KRT72: variants seen among roughly 807,000 people sequenced by gnomAD.
KRT72 encodes keratin, type II cytoskeletal 72.
KRT72 carries 44 observed loss-of-function variants against 44.7 expected under a neutral mutation model. The ratio of observed to expected loss-of-function variants is 0.98; its 90% CI spans 0.77 to 1.27. The LOEUF (loss-of-function observed/expected upper bound fraction) is 1.27. Ranked by LOEUF, KRT72 falls within the 50% of genes most tolerant of loss-of-function variation. The pLI, the probability that KRT72 is intolerant of heterozygous loss-of-function variation, is 0.00. For missense variants in KRT72, 736 were observed against 667.1 expected (o/e 1.10, Z -1.14); for synonymous variants, 302 against 280.4 (o/e 1.08, Z -0.77).
intron 2 of KRT72, among the ~76,000 whole-genome samples, chr12:52,598,341 T>C (rs1246518597): frequency 6.6e-6 from 1 of 152,210 alleles, no homozygotes; most frequent in Non-Finnish European, 1.5e-5. Context: ...AATCCTGGCA[T>C]CTGGAAGCAA....
intron 7 of KRT72, 83 bp from the exon 8 acceptor site, chr12:52,587,063 C>T (rs924195824): frequency 6.0e-6 from 8 of 1,323,796 alleles, no homozygotes; most frequent in South Asian, 1.2e-5. Context: ...GAATAAGCCT[C>T]TCCACGCAGA....
intron 2 of KRT72, among the ~76,000 whole-genome samples, chr12:52,595,637 C>T (rs1439033802): frequency 2.0e-5 from 3 of 152,098 alleles, no homozygotes; most frequent in Non-Finnish European, 2.9e-5. Context: ...CAAAAATGTG[C>T]CAGTGTGTGT....
intron 2 of KRT72, among the ~76,000 whole-genome samples, chr12:52,595,482 G>A (rs1189634346): frequency 6.6e-6 from 1 of 152,016 alleles, no homozygotes; most frequent in East Asian, 1.9e-4. Flanking sequence ...ACTTTTACTT[G>A]AATTTAGAAA....
rs1365732342 is a variant in KRT72 at position 52,587,815 on chromosome 12, G to C, written c.1126C>G (p.Gln376Glu). 1.2e-6 allele frequency: 2 copies of C among 1,614,056 alleles called. No homozygotes were observed. The highest frequency in any genetic ancestry group is 1.3e-5 in the African/African-American group (1 of 74,938). The change falls in exon 7 of 9, where the codon CAG becomes GAG. Residue 376 changes from glutamine (Q) to glutamate (E), a missense_variant. Transcript: ENST00000293745. ...DLETAIADAEQRGDCALKDAR... is the reference protein window; with the variant it reads ...DLETAIADAEERGDCALKDAR... The stretch of plus-strand genomic sequence containing the variant: ...TCTTTCAGGGCGCAGTCCCCCCGCT[G>C]TTCAGCGTCGGCGATGGCCGTCTCC...
In KRT72 at chr12:52,601,416, G is replaced by T; in HGVS notation, c.37C>A (p.Arg13Ser). The change falls in exon 1 of 9, where the codon CGC becomes AGC. Residue 13 changes from arginine (R) to serine (S), a missense_variant. By Grantham distance (110) the Arg-to-Ser change is moderately radical. Transcript: ENST00000293745. ...GCGGAGCAACCGCTGAAGCCCAGGC[G>T]CTCCCCGCGGGGGAAATGGGTCAGT... ...RQLTHFPRGE[R>S]LGFSGCSAVL... 3.9e-6 allele frequency: 6 copies of T among 1,539,814 alleles called. No homozygotes were observed. The highest frequency in any genetic ancestry group is 5.2e-6 in the Non-Finnish European group (6 of 1,147,252).
At chr12:52,586,235 T>C (rs982226694) in intron 8 of KRT72, 63 bp from the exon 9 acceptor site, 23 of 1,452,540 alleles carry the variant, frequency 1.6e-5, no homozygotes, top group Non-Finnish European at 2.1e-5. Flanking sequence ...GAGCCCCTTC[T>C]TGGGCATCTC....
At chr12:52,596,557 CT>C (rs563415298) in intron 2 of KRT72, among the ~76,000 whole-genome samples, 396 of 141,508 alleles carry the variant, frequency 2.8e-3, no homozygotes, top group African/African-American at 3.2e-3. Context: ...TTTTTTCTTT[CT>C]TTTTTTTTTT....
chr12:52,589,728 G>A (rs1029849676), intron 6 of KRT72, among the ~76,000 whole-genome samples: 2 of 152,098 alleles, frequency 1.3e-5, no homozygotes, highest in Non-Finnish European at 2.9e-5. Context: ...TGGGGACTCA[G>A]CATTGCGAGG....
At chr12:52,590,714 T>C (rs1939970386) in intron 6 of KRT72, 122 bp downstream of exon 6, 1 of 935,294 alleles carries the variant, frequency 1.1e-6, no homozygotes, top group African/African-American at 1.6e-5. Flanking sequence ...CAGATCATCC[T>C]CTCCTGGTAA....
chr12:52,600,500 T>C (rs1300102230), intron 1 of KRT72, among the ~76,000 whole-genome samples: 1 of 152,190 alleles, frequency 6.6e-6, no homozygotes, highest in Middle Eastern at 3.2e-3. Flanking sequence ...CCACGTGTTG[T>C]GGGAGGGACC....
At position 52,601,037 on chromosome 12, in the gene KRT72, A is replaced by G; in HGVS notation, c.416T>C (p.Phe139Ser). The change falls in exon 1 of 9, where the codon TTC becomes TCC. Residue 139 changes from phenylalanine (F) to serine (S), a missense_variant. Physicochemically the swap from Phe to Ser is radical, Grantham distance 155. Coordinates refer to ENST00000293745, the MANE Select transcript of KRT72 (RefSeq NM_080747.3). ...IKALNNKFAS[F>S]IDKVRFLEQQ... ...TGCCCGAGGACTCACCTTGTCGATG[A>G]AGGAGGCGAACTTGTTGTTTAGCGC... is the stretch of plus-strand genomic sequence containing the variant. The G allele has an allele frequency of 6.2e-7, 1 of 1,611,688 alleles. No individual in the cohort carries two copies. The highest frequency in any genetic ancestry group is 8.5e-7 in the Non-Finnish European group (1 of 1,179,204).
In KRT72 at chr12:52,601,422, C is replaced by A; in HGVS notation, c.31G>T (p.Gly11Trp). 6.5e-7 allele frequency: 1 copy of A among 1,539,426 alleles called. No individual in the cohort carries two copies. The highest frequency in any genetic ancestry group is 2.4e-5 in the East Asian group (1 of 41,122). Residue 11 changes from glycine to tryptophan, a missense_variant, in exon 1 of 9, where the codon GGG becomes TGG. By Grantham distance (184) the Gly-to-Trp change is radical. Coordinates refer to ENST00000293745, the MANE Select transcript of KRT72 (RefSeq NM_080747.3). MSRQLTHFPR[G>W]ERLGFSGCSA... ...CAACCGCTGAAGCCCAGGCGCTCCC[C>A]GCGGGGGAAATGGGTCAGTTGGCGG...
At position 52,592,908 on chromosome 12, in the gene KRT72, A is replaced by C; in HGVS notation, c.686T>G (p.Phe229Cys). The C allele has an allele frequency of 6.2e-7, 1 of 1,613,802 alleles. No individual in the cohort carries two copies. Among genetic ancestry groups the C allele is most frequent in the East Asian group, 2.2e-5 (1 of 44,862 alleles). Residue 229 changes from phenylalanine to cysteine, a missense_variant, in exon 3 of 9, where the codon TTT becomes TGT. By Grantham distance (205) the Phe-to-Cys change is radical (BLOSUM62 -2). Coordinates refer to ENST00000293745, the MANE Select transcript of KRT72 (RefSeq NM_080747.3). Reference protein sequence around the residue: ...INRRTAAENEFVVLKKDVDAA... With the variant: ...INRRTAAENECVVLKKDVDAA... ...CCCTCTTACCTTCTTGAGCACCACAAACTCATTCTCAGCAGCTGTGCGTCT... is the reference window on the plus strand; with the variant it reads ...CCCTCTTACCTTCTTGAGCACCACACACTCATTCTCAGCAGCTGTGCGTCT...
At chr12:52,597,120 G>C (rs1199485475) in intron 2 of KRT72, among the ~76,000 whole-genome samples, 1 of 152,144 alleles carries the variant, frequency 6.6e-6, no homozygotes, top group Non-Finnish European at 1.5e-5. Context: ...TTTTAAATGG[G>C]AACACACATA....
intron 1 of KRT72, chr12:52,599,369 G>A (rs1014862425): frequency 7.0e-6 from 4 of 569,714 alleles, no homozygotes; most frequent in South Asian, 1.5e-5. Context: ...GAGTTTTCAT[G>A]AGACAGAGGT....
chr12:52,589,291 C>T (rs1346720834), intron 6 of KRT72, among the ~76,000 whole-genome samples: 1 of 152,174 alleles, frequency 6.6e-6, no homozygotes, highest in East Asian at 1.9e-4. Flanking sequence ...GCTGGGCAGG[C>T]CCACAGCAGT....
At chr12:52,598,522 G>A (rs1159096049) in intron 2 of KRT72, among the ~76,000 whole-genome samples, 1 of 152,162 alleles carries the variant, frequency 6.6e-6, no homozygotes, top group African/African-American at 2.4e-5. Context: ...ATTCAACATG[G>A]AATAAGTTTT....
rs1310559584 is a variant in KRT72 at position 52,601,408 on chromosome 12, G to A, written c.45C>T (p.Gly15=). ...AGAGGACCGCGGAGCAACCGCTGAA[G>A]CCCAGGCGCTCCCCGCGGGGGAAAT... is the stretch of plus-strand genomic sequence containing the variant. ...LTHFPRGERL[G]FSGCSAVLSG... Residue 15 remains glycine, a synonymous_variant, in exon 1 of 9, where the codon GGC becomes GGT. Transcript: ENST00000293745. The A allele has an allele frequency of 1.3e-6, 2 of 1,540,980 alleles. No homozygotes were observed. Among genetic ancestry groups the A allele is most frequent in the Non-Finnish European group, 1.7e-6 (2 of 1,147,344 alleles).
rs112821912 is a variant in KRT72, at chr12:52,591,637, G to C, written c.799-9C>G. 6.3e-7 allele frequency: 1 copy of C among 1,598,972 alleles called. No individual in the cohort carries two copies. Among genetic ancestry groups the C allele is most frequent in the Admixed American group, 1.7e-5 (1 of 59,740 alleles). ...TGGATCTGAGTGATCTCCTGGGGAC[G>C]GTTGGGGGAGGGGAGCTAGTTAAGG... On this transcript the variant is annotated splice_polypyrimidine_tract_variant and intron_variant, in intron 4 of 8. Transcript: ENST00000293745.
Sources: allele counts gnomAD v4.1 joint callset (sites outside exome capture counted in the v4.1 genomes callset), GRCh38; gene constraint gnomAD v4.1.1; transcripts MANE v1.5; gene names NCBI Gene and HGNC (gene_info 2026-07-23, HGNC 2026-07-21).